The following RP1 variants were observed in gnomAD, a reference collection of about 807,000 sequenced individuals.
The protein encoded by RP1 is oxygen-regulated protein 1.
A neutral mutation model predicts 14.8 loss-of-function variants in RP1; 16 were observed. The observed-to-expected ratio is 1.08, with a 90% confidence interval of 0.73 to 1.65. The LOEUF is 1.65. Among genes scored for constraint, RP1 ranks in the 40% most tolerant of loss-of-function variants. The probability of loss-of-function intolerance (pLI) is 0.00; values close to 1 mark genes in which losing one functional copy is unlikely to be tolerated. For missense variants in RP1, 2,631 were observed against 2,535.0 expected (o/e 1.04, Z -0.81); for synonymous variants, 876 against 883.6 (o/e 0.99, Z 0.15).
intron 24 of RP1, among the ~76,000 whole-genome samples, chr8:54,829,723 T>C (rs556161582): frequency 1.3e-5 from 2 of 152,158 alleles, no homozygotes; most frequent in Non-Finnish European, 2.9e-5. Flanking sequence ...CTGAACCAAG[T>C]AAATATTAAA....
At chr8:54,761,957 G>A (rs994180249) in intron 22 of RP1, among the ~76,000 whole-genome samples, 2 of 152,130 alleles carry the variant, frequency 1.3e-5, no homozygotes, top group African/African-American at 4.8e-5. Flanking sequence ...GCCACTTATA[G>A]TTACTTCTGT....
chr8:54,813,130 A>G (rs2129393917), intron 24 of RP1, among the ~76,000 whole-genome samples: 1 of 152,366 alleles, frequency 6.6e-6, no homozygotes, highest in Non-Finnish European at 1.5e-5. Context: ...ATTGAACTCT[A>G]ATTACACCTA....
At chr8:54,813,414 A>G (rs1811061298) in intron 24 of RP1, among the ~76,000 whole-genome samples, 1 of 152,200 alleles carries the variant, frequency 6.6e-6, no homozygotes, top group African/African-American at 2.4e-5. Flanking sequence ...CTTTGCCCTG[A>G]ATGCAAATAG....
chr8:54,580,658 G>A (rs577371635), intron 1 of RP1, among the ~76,000 whole-genome samples: 14 of 145,644 alleles, frequency 9.6e-5, no homozygotes, highest in African/African-American at 2.3e-4. Flanking sequence ...TTGCTATGTC[G>A]CCCAGGCTGG....
At chr8:54,671,513 C>G (rs1267196662) in intron 7 of RP1, among the ~76,000 whole-genome samples, 1 of 152,048 alleles carries the variant, frequency 6.6e-6, no homozygotes, top group African/African-American at 2.4e-5. Context: ...ATGCTCTCTT[C>G]ACTTTTCTTC....
At chr8:54,800,998 A>G (rs1810691115) in intron 24 of RP1, among the ~76,000 whole-genome samples, 2 of 152,212 alleles carry the variant, frequency 1.3e-5, no homozygotes, top group African/African-American at 4.8e-5. Flanking sequence ...GGAGATAAGC[A>G]CACTTTCCTT....
intron 27 of RP1, among the ~76,000 whole-genome samples, chr8:54,857,508 T>C (rs1312049422): frequency 6.6e-6 from 1 of 151,504 alleles, no homozygotes; most frequent in Non-Finnish European, 1.5e-5. Context: ...TATTAAATTA[T>C]ATACATTTAC....
intron 14 of RP1, among the ~76,000 whole-genome samples, chr8:54,704,701 T>A (rs1296504751): frequency 1.3e-5 from 2 of 152,220 alleles, no homozygotes; most frequent in Admixed American, 1.3e-4. Context: ...GGTATGTGTG[T>A]ACTTACAGTA....
chr8:54,716,158 G>A (rs191634344), intron 15 of RP1, among the ~76,000 whole-genome samples: 1 of 152,216 alleles, frequency 6.6e-6, no homozygotes, highest in Admixed American at 6.5e-5. Flanking sequence ...GAGTAGCTAC[G>A]AGATTACTAT....
At chr8:54,699,429 C>T (rs1208557045) in intron 12 of RP1, 2 of 1,118,716 alleles carry the variant, frequency 1.8e-6, no homozygotes, top group Non-Finnish European at 2.3e-6. Context: ...GTTTTAAAAG[C>T]CAAACTTGCT....
In RP1 at chr8:54,629,065, A is replaced by G; in HGVS notation, c.5183A>G (p.Asp1728Gly). 1 of 1,614,156 alleles carries G rather than the reference A, an allele frequency of 6.2e-7. No homozygotes were observed. The highest frequency in any genetic ancestry group is 2.2e-5 in the East Asian group (1 of 44,882). ...IVEPGTKQND[D>G]SRILTDIEEG... Reference sequence around the variant, plus strand: ...GAACCTGGTACAAAACAAAATGATGATAGCAGAATCCTCACAGACATAGAG... The same window carrying G: ...GAACCTGGTACAAAACAAAATGATGGTAGCAGAATCCTCACAGACATAGAG... The change falls in exon 4 of 4, where the codon GAT becomes GGT. Residue 1728 changes from aspartate (D) to glycine (G), a missense_variant. Asp to Gly is a moderately conservative substitution (Grantham distance 94). Transcript: ENST00000220676.
In RP1 at chr8:54,622,114, T is replaced by A; in HGVS notation, c.616-3T>A. 6.2e-7 allele frequency: 1 copy of A among 1,614,158 alleles called. No individual in the cohort carries two copies. Among genetic ancestry groups the A allele is most frequent in the Non-Finnish European group, 8.5e-7 (1 of 1,179,992 alleles). On this transcript the variant is annotated splice_polypyrimidine_tract_variant and splice_region_variant and intron_variant, in intron 2 of 3. Coordinates refer to ENST00000220676, the MANE Select transcript of RP1 (RefSeq NM_006269.2). ...TCAGGATAATGACTCTGGTCTCTTT[T>A]AGGTTCCCAGCCTCCAGGCAGTGAT...
intron 6 of RP1, chr8:54,656,289 AAC>A: frequency 7.0e-7 from 1 of 1,430,854 alleles, no homozygotes; most frequent in Non-Finnish European, 9.3e-7. Flanking sequence ...GGAACCAATA[AAC>A]ACATGTTGAG....
At position 54,628,400 on chromosome 8, in the gene RP1, G is replaced by T. The variant is rs766092290; in HGVS notation, c.4518G>T (p.Leu1506Phe). Residue 1506 changes from leucine to phenylalanine, a missense_variant, in exon 4 of 4, where the codon TTG (leucine) becomes TTT (phenylalanine). By Grantham distance (22) the Leu-to-Phe change is conservative. Transcript: ENST00000220676. ...EEVEASKTLE[L>F]IDISSKNIME... ...TAGAGGCTAGTAAAACTTTAGAATT[G>T]ATAGACATCTCTAGTAAGAATATTA... is the stretch of plus-strand genomic sequence containing the variant. The T allele has an allele frequency of 6.2e-7, 1 of 1,613,424 alleles. No homozygotes were observed.
chr8:54,751,729 C>T (rs963633655), intron 19 of RP1, among the ~76,000 whole-genome samples: 3 of 152,184 alleles, frequency 2.0e-5, no homozygotes, highest in Non-Finnish European at 4.4e-5. Flanking sequence ...TGTGGTCGTC[C>T]TGGAATTTTG....
chr8:54,567,307 A>C (rs1440746815), intron 1 of RP1, among the ~76,000 whole-genome samples: 5 of 152,220 alleles, frequency 3.3e-5, no homozygotes. Context: ...TAAATGGGCC[A>C]GTTTAACCTG....
intron 1 of RP1, among the ~76,000 whole-genome samples, chr8:54,564,566 C>T (rs1170911918): frequency 2.6e-5 from 4 of 152,190 alleles, no homozygotes. Context: ...TCACAGATGA[C>T]AAAAACAGGC....
chr8:54,744,333 C>T (rs1415743563), intron 19 of RP1, among the ~76,000 whole-genome samples: 1 of 152,156 alleles, frequency 6.6e-6, no homozygotes, highest in Non-Finnish European at 1.5e-5. Context: ...GGCAAGGGAG[C>T]TCCCTAGGGA....
chr8:54,869,268 C>T (rs1275836672), intron 28 of RP1, among the ~76,000 whole-genome samples: 1 of 152,110 alleles, frequency 6.6e-6, no homozygotes, highest in Non-Finnish European at 1.5e-5. Context: ...TGAACTGTGG[C>T]TCTTCCAATG....
Sources: allele counts gnomAD v4.1 joint callset (sites outside exome capture counted in the v4.1 genomes callset), GRCh38; gene constraint gnomAD v4.1.1; transcripts MANE v1.5; gene names NCBI Gene and HGNC (gene_info 2026-07-23, HGNC 2026-07-21).